Variants in SIDT1 observed in about 807,000 individuals in gnomAD.
SIDT1 encodes SID1 transmembrane family, member 1.
A neutral mutation model predicts 107.5 loss-of-function variants in SIDT1; 101 were observed. The ratio of observed to expected loss-of-function variants is 0.94; its 90% confidence interval spans 0.80 to 1.11. The LOEUF (loss-of-function observed/expected upper bound fraction) is 1.11, where lower values mean the gene tolerates loss of function less well. Among genes scored for constraint, SIDT1 ranks in the 50% least tolerant of loss-of-function variants. The pLI is 0.00. For synonymous variants in SIDT1, 395 were observed against 398.2 expected (o/e 0.99, Z 0.10); for missense variants, 1,076 against 1,058.2 (o/e 1.02, Z -0.23).
intron 1 of SIDT1, among the ~76,000 whole-genome samples, chr3:113,550,767 T>C (rs1352861225): frequency 6.6e-6 from 1 of 152,212 alleles, no homozygotes; most frequent in Non-Finnish European, 1.5e-5. Flanking sequence ...TTTAAACTTT[T>C]ATTTTAAGTT....
chr3:113,586,136 A>G, intron 9 of SIDT1, among the ~76,000 whole-genome samples: 1 of 152,206 alleles, frequency 6.6e-6, no homozygotes, highest in East Asian at 1.9e-4. Flanking sequence ...TCTCCTATTC[A>G]AAAAATAACT....
downstream of SIDT1, among the ~76,000 whole-genome samples, chr3:113,630,402 C>T (rs1947081575): frequency 6.6e-6 from 1 of 152,160 alleles, no homozygotes; most frequent in African/African-American, 2.4e-5. Context: ...CAGTGGAATG[C>T]TGGACTCTAT....
chr3:113,603,260 A>C, intron 12 of SIDT1, 110 bp downstream of exon 12: 1 of 1,130,600 alleles, frequency 8.8e-7, no homozygotes. Flanking sequence ...GGGAAACCCA[A>C]ATTTCCCAGA....
chr3:113,611,286 C>T, intron 18 of SIDT1, 142 bp downstream of exon 18: 1 of 979,782 alleles, frequency 1.0e-6, no homozygotes, highest in Non-Finnish European at 1.5e-6. Context: ...ACAATTTCAT[C>T]TCATGACACA....
chr3:113,533,959 G>T (rs2107543650), intron 1 of SIDT1, among the ~76,000 whole-genome samples: 1 of 152,334 alleles, frequency 6.6e-6, no homozygotes, highest in East Asian at 1.9e-4. Context: ...AAATGTTCCA[G>T]TGACTATCCC....
At chr3:113,556,821 CTTT>C (rs61672960) in intron 1 of SIDT1, among the ~76,000 whole-genome samples, 3 of 107,656 alleles carry the variant, frequency 2.8e-5, no homozygotes, top group Non-Finnish European at 3.6e-5. Context: ...GTTTCTTTTT[CTTT>C]TTTTTTTTTT....
At chr3:113,555,123 C>T (rs1940700427) in intron 1 of SIDT1, among the ~76,000 whole-genome samples, 2 of 152,194 alleles carry the variant, frequency 1.3e-5, no homozygotes, top group Non-Finnish European at 2.9e-5. Flanking sequence ...CTTAATTCTT[C>T]AAATATGCTT....
chr3:113,626,313 T>A, intron 24 of SIDT1, 98 bp downstream of exon 24: 1 of 744,014 alleles, frequency 1.3e-6, no homozygotes, highest in Non-Finnish European at 2.2e-6. Flanking sequence ...TATTCCTCTC[T>A]AATTTTACTT....
downstream of SIDT1, among the ~76,000 whole-genome samples, chr3:113,633,953 G>C (rs1276022363): frequency 6.6e-6 from 1 of 152,210 alleles, no homozygotes. Context: ...CTTACAGCCT[G>C]TCGGACGCCT....
At chr3:113,584,790 G>A in intron 8 of SIDT1, 21 bp downstream of exon 8, 1 of 1,502,446 alleles carries the variant, frequency 6.7e-7, no homozygotes, top group Non-Finnish European at 9.0e-7. Flanking sequence ...GCTCCAGAAT[G>A]CATTGAAGAG....
intron 1 of SIDT1, among the ~76,000 whole-genome samples, chr3:113,558,795 A>C (rs1941146869): frequency 6.6e-6 from 1 of 152,232 alleles, no homozygotes; most frequent in South Asian, 2.1e-4. Flanking sequence ...AAAGGGGTAA[A>C]GTCTCAGATC....
chr3:113,611,436 A>T (rs1391496996), intron 18 of SIDT1, among the ~76,000 whole-genome samples: 1 of 152,130 alleles, frequency 6.6e-6, no homozygotes, highest in African/African-American at 2.4e-5. Flanking sequence ...GGTTCAAGCG[A>T]TTCTCCTGCC....
Position 113,629,288 on chromosome 3 carries a change from C to A in SIDT1, c.*1580C>A, listed in dbSNP as rs897239922. 4 of 152,182 alleles carry A rather than the reference C, an allele frequency of 2.6e-5. No homozygotes were observed. The South Asian group carries it at 6.2e-4, about 24-fold the overall frequency. The allele number at this position is 152,182 out of a possible 1,614,324, so 9.4% of individuals were successfully genotyped here. On this transcript the variant is annotated 3_prime_UTR_variant, in exon 25 of 25. Transcript: ENST00000264852. The stretch of plus-strand genomic sequence containing the variant: ...TTAAAGTCCCCAAATGTGTACTTAG[C>A]CTTCTGTTATTCCTTATTCTTTAAG...
chr3:113,617,567 C>G (rs1946192402), intron 20 of SIDT1, among the ~76,000 whole-genome samples: 1 of 152,174 alleles, frequency 6.6e-6, no homozygotes, highest in African/African-American at 2.4e-5. Flanking sequence ...CACTCTAGAG[C>G]TTGGGCAGGA....
rs1467205386 is a variant in SIDT1 at position 113,586,825 on chromosome 3, C to A, written c.1001+1555C>A. Among the ~76,000 whole-genome samples the A allele has an allele frequency of 4.6e-5, 7 of 152,118 alleles. No individual in the cohort carries two copies. The South Asian group carries it at 6.2e-4, about 14-fold the overall frequency. On this transcript the variant is annotated intron_variant, in intron 9 of 24. Transcript: ENST00000264852. The stretch of plus-strand genomic sequence containing the variant: ...CTAATCATGTGGAAAAATTAGACAA[C>A]CTCCAATGATAAACATTCTATTAAA...
rs769117487 is a variant in SIDT1, at chr3:113,585,275, G to A, written c.1001+5G>A. 6.3e-7 allele frequency: 1 copy of A among 1,596,858 alleles called. No homozygotes were observed. The highest frequency in any genetic ancestry group is 1.3e-5 in the African/African-American group (1 of 74,448). On this transcript the variant is annotated splice_donor_5th_base_variant and intron_variant, in intron 9 of 24. Coordinates refer to ENST00000264852, the MANE Select transcript of SIDT1 (RefSeq NM_017699.3). ...TGGGTTTGTTCATTATCTGAGGTAG[G>A]TCAATCTTTTCTAGAAATGTTAATT...
intron 1 of SIDT1, among the ~76,000 whole-genome samples, chr3:113,544,460 G>A (rs1357811120): frequency 6.6e-6 from 1 of 152,170 alleles, no homozygotes; most frequent in Non-Finnish European, 1.5e-5. Context: ...AAAGTGCTGG[G>A]ATTACAGGTG....
Position 113,618,079 on chromosome 3 carries a change from A to G in SIDT1, c.2044-1601A>G, listed in dbSNP as rs548787756. On this transcript the variant is annotated intron_variant, in intron 20 of 24. Transcript: ENST00000264852. ...CCTAAAAATCCTCTGGGCTCGGCCT[A>G]TTCATCCCTCCCTCCCTCTTAAGTC... Among the ~76,000 whole-genome samples the G allele has an allele frequency of 7.2e-5, 11 of 152,196 alleles. No individual in the cohort carries two copies. The South Asian group carries it at 2.3e-3, about 32-fold the overall frequency.
At chr3:113,627,532 T>C (rs1304120662) in intron 24 of SIDT1, 114 bp from the exon 25 acceptor site, 2 of 906,914 alleles carry the variant, frequency 2.2e-6, no homozygotes, top group African/African-American at 1.6e-5. Flanking sequence ...GCAGAAGGCA[T>C]GAGAATGAGA....
Sources: allele counts gnomAD v4.1 joint callset (sites outside exome capture counted in the v4.1 genomes callset), GRCh38; gene constraint gnomAD v4.1.1; transcripts MANE v1.5; gene names NCBI Gene and HGNC (gene_info 2026-07-23, HGNC 2026-07-21).